MAP3K15: variants seen among roughly 807,000 people sequenced by gnomAD.
MAP3K15 encodes MAPK/ERK kinase kinase 15.
MAP3K15 carries 124 observed loss-of-function variants against 99.5 expected under a neutral mutation model. The observed-to-expected ratio is 1.25, with a 90% CI of 1.08 to 1.45. The LOEUF is 1.45. MAP3K15 is among the 40% of genes most tolerant of loss of function. The pLI, the probability that MAP3K15 is intolerant of heterozygous loss-of-function variation, is 0.00. For missense variants in MAP3K15, 1,242 were observed against 1,079.7 expected (o/e 1.15, Z -2.11); for synonymous variants, 494 against 439.6 (o/e 1.12, Z -1.55).
At chrX:19,415,873 A>C (rs1251600806) in intron 9 of MAP3K15, among the ~76,000 whole-genome samples, 1 of 112,160 alleles carries the variant, frequency 8.9e-6, no homozygotes, top group East Asian at 2.8e-4. Flanking sequence ...CAGACTGTAT[A>C]TGGCACCATT....
chrX:19,496,714 C>G (rs2064405196), intron 1 of MAP3K15: 1 of 111,482 alleles, frequency 9.0e-6, no homozygotes, highest in African/African-American at 3.3e-5. Flanking sequence ...TGAATGTCAG[C>G]CGGCTCGAGG....
At chrX:19,506,599 C>T (rs951132739) in intron 1 of MAP3K15, among the ~76,000 whole-genome samples, 1 of 111,327 alleles carries the variant, frequency 9.0e-6, no homozygotes, top group Admixed American at 9.6e-5. Flanking sequence ...TGGCCCACTG[C>T]AAAACCTCCA....
At chrX:19,365,502 A>C (rs908876832) in intron 25 of MAP3K15, among the ~76,000 whole-genome samples, 1 of 112,575 alleles carries the variant, frequency 8.9e-6, no homozygotes, top group Non-Finnish European at 1.9e-5. Flanking sequence ...AATACATGTT[A>C]AATACATTTG....
chrX:19,510,277 C>T (rs1417182708), intron 1 of MAP3K15, among the ~76,000 whole-genome samples: 1 of 111,731 alleles, frequency 9.0e-6, no homozygotes, highest in Non-Finnish European at 1.9e-5. Context: ...TCAGGATGAA[C>T]ATCGATGTGA....
At chrX:19,437,485 G>C (rs1336489543) in intron 6 of MAP3K15, among the ~76,000 whole-genome samples, 1 of 111,359 alleles carries the variant, frequency 9.0e-6, no homozygotes, top group Non-Finnish European at 1.9e-5. Context: ...TCCACATGCT[G>C]ATCCCTCTAC....
Position 19,374,887 on chromosome X carries a change from A to G in MAP3K15, c.2590-227T>C, listed in dbSNP as rs761532752. ...ACCAACAGATAGTGACAGAAGTGAC[A>G]TGGTGAGAGTTTCAGGGCCCGGGCC... On this transcript the variant is annotated intron_variant, in intron 19 of 28. Coordinates refer to ENST00000338883, the MANE Select transcript of MAP3K15 (RefSeq NM_001001671.4). Among the ~76,000 whole-genome samples the G allele has an allele frequency of 7.2e-5, 8 of 111,753 alleles. No homozygotes were observed. In the South Asian group the frequency reaches 2.7e-3, roughly 37 times the overall value.
At chrX:19,404,493 T>C (rs2063633548) in intron 13 of MAP3K15, among the ~76,000 whole-genome samples, 1 of 112,066 alleles carries the variant, frequency 8.9e-6, no homozygotes, top group Non-Finnish European at 1.9e-5. Flanking sequence ...CAGAAATTGA[T>C]AAGCTGATCC....
At chrX:19,503,432 T>C (rs895327915) in intron 1 of MAP3K15, among the ~76,000 whole-genome samples, 7 of 111,952 alleles carry the variant, frequency 6.3e-5, no homozygotes, top group African/African-American at 1.9e-4. Context: ...GCAAGTTATC[T>C]TCTTGTTCTT....
At position 19,426,228 on chromosome X, in the gene MAP3K15, T is replaced by C; in HGVS notation, c.1279+3A>G. The C allele has an allele frequency of 1.9e-6, 2 of 1,048,539 alleles. No homozygotes were observed. The highest frequency in any genetic ancestry group is 2.5e-6 in the Non-Finnish European group (2 of 785,733). 86.4% of individuals were successfully genotyped at this position (1,048,539 alleles called of 1,213,427 possible). ...CAACATCTGCAATAATAAGCAGCTT[T>C]ACCTATTTTCCTTAGTTCCAAGGAA... On this transcript the variant is annotated splice_donor_region_variant and intron_variant, in intron 8 of 28. Coordinates refer to ENST00000338883, the MANE Select transcript of MAP3K15 (RefSeq NM_001001671.4).
At chrX:19,449,765 C>G (rs1201315313) in intron 6 of MAP3K15, among the ~76,000 whole-genome samples, 2 of 109,433 alleles carry the variant, frequency 1.8e-5, no homozygotes, top group African/African-American at 3.3e-5. Context: ...TCTCAGAGGG[C>G]CAGAGACTTA....
chrX:19,419,275 T>G (rs1454671055), intron 9 of MAP3K15, among the ~76,000 whole-genome samples: 35 of 111,231 alleles, frequency 3.1e-4, no homozygotes, highest in South Asian at 1.5e-3. Context: ...CCCATCAGTG[T>G]GCTGTATTCA....
At chrX:19,495,211 C>T (rs1171109237) in intron 1 of MAP3K15, among the ~76,000 whole-genome samples, 1 of 112,044 alleles carries the variant, frequency 8.9e-6, no homozygotes, top group Non-Finnish European at 1.9e-5. Context: ...GGGGTTTCCC[C>T]ATGTTGGCCA....
Position 19,360,711 on chromosome X carries a change from C to G in MAP3K15, c.*38G>C. ...ACAGAAGCTTTAACAAAACATGTAGCGTGGTGGGACACTCTGCCACAGCTT... is the reference window on the plus strand; with the variant it reads ...ACAGAAGCTTTAACAAAACATGTAGGGTGGTGGGACACTCTGCCACAGCTT... On this transcript the variant is annotated 3_prime_UTR_variant, in exon 29 of 29. Transcript: ENST00000338883. 1 of 1,035,710 alleles carries G rather than the reference C, an allele frequency of 9.7e-7. No individual in the cohort carries two copies. The allele number at this position is 1,035,710 out of a possible 1,213,427, so 85.4% of individuals were successfully genotyped here. A position where few individuals can be genotyped will look rare whatever the true frequency, so the allele number is the denominator to read the frequency against.
At chrX:19,421,999 C>T (rs770724321) in intron 9 of MAP3K15, among the ~76,000 whole-genome samples, 192 of 110,773 alleles carry the variant, frequency 1.7e-3, no homozygotes, top group African/African-American at 6.2e-3. Context: ...GAAACTGGAT[C>T]CCTTCCTTAC....
Position 19,514,621 on chromosome X carries a change from A to G in MAP3K15, c.361+280T>C, listed in dbSNP as rs768906962. 1.5e-3 allele frequency among the ~76,000 whole-genome samples: 3 copies of G among 1,974 alleles called. 1 individual carries two copies. Among genetic ancestry groups the G allele is most frequent in the African/African-American group, 6.1e-3 (1 of 163 alleles). 1.7% of individuals were successfully genotyped at this position (1,974 alleles called of 115,157 possible). A position where few individuals can be genotyped will look rare whatever the true frequency, so the allele number is the denominator to read the frequency against. ...CTAAGGGGAGGGAGACTAAGGGGAG[A>G]GGGGACTAAGGGGAGGGGGGCCTGC... On this transcript the variant is annotated intron_variant, in intron 1 of 28. Coordinates refer to ENST00000338883, the MANE Select transcript of MAP3K15 (RefSeq NM_001001671.4).
chrX:19,406,357 G>A (rs2063647342), intron 13 of MAP3K15, among the ~76,000 whole-genome samples: 1 of 112,461 alleles, frequency 8.9e-6, no homozygotes, highest in South Asian at 3.6e-4. Context: ...ATAAACTGTG[G>A]TATAGCCATA....
intron 1 of MAP3K15, among the ~76,000 whole-genome samples, chrX:19,508,839 G>A (rs749762645): frequency 6.0e-4 from 67 of 111,628 alleles, no homozygotes; most frequent in African/African-American, 1.9e-3. Flanking sequence ...TGCCAAGATC[G>A]TGCCACTGCA....
At chrX:19,387,028 C>T (rs988270652) in intron 18 of MAP3K15, among the ~76,000 whole-genome samples, 2 of 111,806 alleles carry the variant, frequency 1.8e-5, no homozygotes, top group Non-Finnish European at 3.8e-5. Flanking sequence ...TAATCAAGTA[C>T]AGAAAAGAAA....
At chrX:19,500,162 G>T (rs1260853284) in intron 1 of MAP3K15, among the ~76,000 whole-genome samples, 1 of 111,805 alleles carries the variant, frequency 8.9e-6, no homozygotes, top group Non-Finnish European at 1.9e-5. Flanking sequence ...GAAGAGAATC[G>T]CTTGAACTTG....
Sources: allele counts gnomAD v4.1 joint callset (sites outside exome capture counted in the v4.1 genomes callset), GRCh38; gene constraint gnomAD v4.1.1; transcripts MANE v1.5; gene names NCBI Gene and HGNC (gene_info 2026-07-23, HGNC 2026-07-21).